ELF2: variants seen among roughly 807,000 people sequenced by gnomAD.
The protein encoded by ELF2 is ETS-related transcription factor Elf-2.
In ELF2, 11 loss-of-function variants were observed where a neutral mutation model predicts 54.8. The ratio of observed to expected loss-of-function variants is 0.20; its 90% confidence interval spans 0.13 to 0.33. The LOEUF is 0.33. Ranked by LOEUF, ELF2 falls within the 10% of genes least tolerant of loss-of-function variation. The pLI, the probability that ELF2 is intolerant of heterozygous loss-of-function variation, is 1.00. For missense variants in ELF2, 513 were observed against 703.0 expected, an observed-to-expected ratio of 0.73 and a Z score of 3.06; for synonymous variants, 203 against 245.1, an observed-to-expected ratio of 0.83 and a Z score of 1.61.
chr4:139,061,966 T>C lies in ELF2; in HGVS notation c.705A>G (p.Lys235=), dbSNP rs1727918813. Reference sequence around the variant, plus strand: ...TTGAATCCACCAGCTTGAATATGCCTTTTTCTCTCTGAGTCCATTTAATAT... The same window carrying C: ...TTGAATCCACCAGCTTGAATATGCCCTTTTCTCTCTGAGTCCATTTAATAT... ...PRYIKWTQRE[K]GIFKLVDSKA... is the part of the protein sequence containing the mutation. The change falls in exon 8 of 10, where the codon AAA becomes AAG. Residue 235 remains lysine (K), a synonymous_variant. Transcript: ENST00000686138. 1.2e-6 allele frequency: 2 copies of C among 1,613,936 alleles called. No individual in the cohort carries two copies. The highest frequency in any genetic ancestry group is 1.7e-6 in the Non-Finnish European group (2 of 1,179,894).
intron 1 of ELF2, among the ~76,000 whole-genome samples, chr4:139,153,839 T>C (rs1740264549): frequency 6.6e-6 from 1 of 152,234 alleles, no homozygotes. Context: ...ATTCATAGAG[T>C]GCCAGAAGAA....
At chr4:139,176,658 G>C (rs967908957) in intron 1 of ELF2, among the ~76,000 whole-genome samples, 2 of 152,090 alleles carry the variant, frequency 1.3e-5, no homozygotes, top group Admixed American at 1.3e-4. Flanking sequence ...CCCCCCGCCG[G>C]GGTCTGTAAC....
intron 1 of ELF2, among the ~76,000 whole-genome samples, chr4:139,162,193 C>G (rs1741241556): frequency 6.6e-6 from 1 of 151,942 alleles, no homozygotes; most frequent in Non-Finnish European, 1.5e-5. Context: ...GAGCAAAACT[C>G]TGTCTCAAAA....
At chr4:139,108,271 A>T (rs1226241855) in intron 4 of ELF2, among the ~76,000 whole-genome samples, 1 of 152,212 alleles carries the variant, frequency 6.6e-6, no homozygotes, top group African/African-American at 2.4e-5. Context: ...TAACTACTGT[A>T]TTCTTCATTT....
chr4:139,137,427 A>T (rs1738300925), intron 3 of ELF2: 1 of 599,950 alleles, frequency 1.7e-6, no homozygotes, highest in Admixed American at 3.0e-5. Flanking sequence ...TAATATATGT[A>T]TGTTCCAACA....
chr4:139,080,094 AAT>A (rs1168751499), intron 4 of ELF2, among the ~76,000 whole-genome samples: 89 of 152,340 alleles, frequency 5.8e-4, no homozygotes, highest in African/African-American at 1.9e-3. Context: ...AATTATTTTA[AAT>A]AGTTATCAAG....
At chr4:139,124,005 A>G (rs1012812993) in intron 4 of ELF2, among the ~76,000 whole-genome samples, 5 of 152,146 alleles carry the variant, frequency 3.3e-5, no homozygotes, top group African/African-American at 1.2e-4. Flanking sequence ...ACTCCAGACT[A>G]CAGTCACGAA....
chr4:139,127,749 G>C (rs1282216515), intron 3 of ELF2, among the ~76,000 whole-genome samples: 1 of 152,078 alleles, frequency 6.6e-6, no homozygotes, highest in Non-Finnish European at 1.5e-5. Context: ...CAGATCACCT[G>C]AGGTCAGGTG....
rs765347146 is a variant in ELF2 at position 139,137,725 on chromosome 4, A to C, written c.-24T>G. On this transcript the variant is annotated 5_prime_UTR_variant, in exon 3 of 10. Transcript: ENST00000686138. ...ATTGTTATTCCCTGAGGAAGCTTCA[A>C]ACGCTATTAATCAATGAAATTAAAG... is the stretch of plus-strand genomic sequence containing the variant. 2 of 1,613,582 alleles carry C rather than the reference A, an allele frequency of 1.2e-6. No homozygotes were observed. The highest frequency in any genetic ancestry group is 1.7e-6 in the Non-Finnish European group (2 of 1,179,930).
At chr4:139,105,307 A>G (rs1734309738) in intron 4 of ELF2, among the ~76,000 whole-genome samples, 1 of 151,986 alleles carries the variant, frequency 6.6e-6, no homozygotes, top group Non-Finnish European at 1.5e-5. Flanking sequence ...TCTAAGTACC[A>G]TAAATGTAGA....
intron 3 of ELF2, among the ~76,000 whole-genome samples, chr4:139,135,643 G>A (rs1449266302): frequency 6.6e-6 from 1 of 152,048 alleles, no homozygotes; most frequent in Non-Finnish European, 1.5e-5. Flanking sequence ...ATTAATATTA[G>A]TCAAAGGAAA....
chr4:139,070,812 C>A (rs1278459788), intron 6 of ELF2, among the ~76,000 whole-genome samples: 1 of 152,198 alleles, frequency 6.6e-6, no homozygotes, highest in Non-Finnish European at 1.5e-5. Context: ...AAGACACTGT[C>A]TTATTCTCAT....
intron 1 of ELF2, among the ~76,000 whole-genome samples, chr4:139,141,774 C>G (rs891082439): frequency 1.7e-4 from 26 of 152,128 alleles, no homozygotes; most frequent in African/African-American, 6.3e-4. Context: ...CGGGTGTTTC[C>G]AGGATCCCAT....
intron 3 of ELF2, among the ~76,000 whole-genome samples, chr4:139,133,401 C>T (rs1248057400): frequency 2.0e-5 from 3 of 152,116 alleles, no homozygotes; most frequent in Non-Finnish European, 4.4e-5. Flanking sequence ...ATTTAACGTT[C>T]CATTGATCTA....
chr4:139,129,679 G>A (rs928340324), intron 3 of ELF2, among the ~76,000 whole-genome samples: 2 of 152,142 alleles, frequency 1.3e-5, no homozygotes, highest in South Asian at 4.1e-4. Flanking sequence ...CATAGTATAA[G>A]TACAAAGCAC....
At chr4:139,112,901 GATAA>G (rs1044715666) in intron 4 of ELF2, among the ~76,000 whole-genome samples, 1 of 150,296 alleles carries the variant, frequency 6.7e-6, no homozygotes, top group Non-Finnish European at 1.5e-5. Context: ...TATCAAAAAA[GATAA>G]ATAAAAAAAA....
upstream of ELF2, among the ~76,000 whole-genome samples, chr4:139,177,885 C>T (rs990683536): frequency 2.6e-5 from 4 of 152,160 alleles, no homozygotes; most frequent in Non-Finnish European, 5.9e-5. Flanking sequence ...CTTTCCAGTT[C>T]CCACTCCTCA....
intron 4 of ELF2, among the ~76,000 whole-genome samples, chr4:139,099,112 G>A (rs1733608781): frequency 6.6e-6 from 1 of 152,106 alleles, no homozygotes; most frequent in African/African-American, 2.4e-5. Context: ...TCCAAATAAT[G>A]TTTCATACAG....
At chr4:139,170,259 CTTTTTTT>C (rs70940499) in intron 1 of ELF2, among the ~76,000 whole-genome samples, 1 of 89,292 alleles carries the variant, frequency 1.1e-5, no homozygotes, top group African/African-American at 4.8e-5. Context: ...TCTTAATCGC[CTTTTTTT>C]TTTTTTTTTT....
Sources: gnomAD v4.1 joint callset for allele counts (sites outside exome capture counted in the v4.1 genomes callset) on GRCh38, gnomAD v4.1.1 for gene constraint, MANE v1.5 for transcripts, NCBI Gene and HGNC (gene_info 2026-07-23, HGNC 2026-07-21) for gene names.